The following MCPH1 variants were observed in gnomAD, a reference collection of about 807,000 sequenced individuals.
The protein encoded by MCPH1 is microcephalin.
A neutral mutation model predicts 84.5 loss-of-function variants in MCPH1; 104 were observed. The observed-to-expected ratio is 1.23, with a 90% CI of 1.05 to 1.45. MCPH1 has a LOEUF of 1.45. Ranked by LOEUF, MCPH1 falls within the 40% of genes most tolerant of loss-of-function variation. The probability of loss-of-function intolerance (pLI) is 0.00; values close to 1 mark genes in which losing one functional copy is unlikely to be tolerated. For missense variants in MCPH1, 1,498 were observed against 1,005.7 expected (o/e 1.49, Z -6.62); for synonymous variants, 514 against 366.8 (o/e 1.40, Z -4.58).
intron 12 of MCPH1, chr8:6,616,237 A>G (rs2454517): frequency 0.21 from 32,654 of 152,144 alleles, 4,152 homozygotes; most frequent in Non-Finnish European, 0.3. Flanking sequence ...TTAGCAGGCC[A>G]AGGAGCGACT....
intron 13 of MCPH1, 135 bp from the exon 14 acceptor site, chr8:6,642,859 G>C (rs41312806): frequency 6.5e-6 from 5 of 767,758 alleles, no homozygotes; most frequent in Admixed American, 4.0e-5. Flanking sequence ...CTCTATGGAC[G>C]TGGGGGGGCC....
At chr8:6,610,486 T>C (rs1015805944) in intron 12 of MCPH1, among the ~76,000 whole-genome samples, 2 of 152,250 alleles carry the variant, frequency 1.3e-5, no homozygotes, top group African/African-American at 4.8e-5. Context: ...TCAGCCTTTC[T>C]AGTTCGACTC....
intron 12 of MCPH1, among the ~76,000 whole-genome samples, chr8:6,503,905 G>A (rs895179711): frequency 7.2e-5 from 11 of 152,188 alleles, no homozygotes; most frequent in Non-Finnish European, 1.5e-4. Context: ...GGAGCATGCT[G>A]GGGTTTGTGA....
intron 12 of MCPH1, among the ~76,000 whole-genome samples, chr8:6,581,827 A>C (rs917814373): frequency 5.3e-5 from 8 of 152,144 alleles, no homozygotes; most frequent in African/African-American, 1.4e-4. Context: ...GGCAGATTCC[A>C]TGTCTGGTGA....
intron 9 of MCPH1, among the ~76,000 whole-genome samples, chr8:6,469,347 A>G (rs2440398): frequency 0.99 from 150,075 of 152,304 alleles, 73,970 homozygotes; most frequent in East Asian, 1. Context: ...AAGATCTGGG[A>G]TCTCTTGGGT....
In MCPH1 at chr8:6,499,559, A is replaced by G. The variant is rs184911152; in HGVS notation, c.2137-293A>G. 2.9e-3 allele frequency: 517 copies of G among 179,112 alleles called. No homozygotes were observed. The highest frequency in any genetic ancestry group is 0.011 in the African/African-American group (471 of 42,622). 11.1% of individuals were successfully genotyped at this position (179,112 alleles called of 1,614,324 possible). ...TAGAAACTTGGAATTAAAAATATAT[A>G]TATAAAATATTTCATATGTGTAAAA... On this transcript the variant is annotated intron_variant, in intron 11 of 13. Transcript: ENST00000344683.
At chr8:6,541,400 C>T (rs1004123915) in intron 12 of MCPH1, among the ~76,000 whole-genome samples, 4 of 152,048 alleles carry the variant, frequency 2.6e-5, no homozygotes, top group African/African-American at 4.8e-5. Context: ...CAGTCAGCAG[C>T]GCTGGAGAGG....
intron 12 of MCPH1, chr8:6,514,864 G>A (rs1815942146): frequency 8.6e-7 from 1 of 1,158,270 alleles, no homozygotes; most frequent in South Asian, 1.3e-5. Flanking sequence ...TAGACCCTGA[G>A]TGCAGGACTC....
At chr8:6,418,303 C>T (rs911854965) in intron 3 of MCPH1, among the ~76,000 whole-genome samples, 1 of 152,108 alleles carries the variant, frequency 6.6e-6, no homozygotes, top group Non-Finnish European at 1.5e-5. Context: ...AGTGGTGATG[C>T]CCAGATTCTT....
At chr8:6,562,570 T>G (rs973332069) in intron 12 of MCPH1, 4 of 400,274 alleles carry the variant, frequency 1.0e-5, no homozygotes, top group Non-Finnish European at 1.7e-5. Context: ...TTTTTTTTTT[T>G]TGGTTGTTAA....
In MCPH1 at chr8:6,480,721, A is replaced by T. The variant is rs1809108557; in HGVS notation, c.1981A>T (p.Asn661Tyr). 1.9e-6 allele frequency: 3 copies of T among 1,614,050 alleles called. No individual in the cohort carries two copies. Among genetic ancestry groups the T allele is most frequent in the Non-Finnish European group, 2.5e-6 (3 of 1,180,034 alleles). ...VMTSMPSEKQ[N>Y]VVIQVVDKLK... is the part of the protein sequence containing the mutation. ...TTTCCCCCGATTTGACAGAAAGCAG[A>T]ATGTCGTCATCCAGGTTGTGGATAA... Residue 661 changes from asparagine to tyrosine, a missense_variant, in exon 11 of 14, where the codon AAT becomes TAT. Physicochemically the swap from Asn to Tyr is moderately radical, Grantham distance 143. Transcript: ENST00000344683.
intron 12 of MCPH1, among the ~76,000 whole-genome samples, chr8:6,589,604 C>T (rs771869805): frequency 4.6e-5 from 7 of 152,198 alleles, no homozygotes; most frequent in African/African-American, 7.2e-5. Flanking sequence ...TGACTGCCTA[C>T]TGTGTGCCAG....
At chr8:6,604,768 G>T (rs1022244403) in intron 12 of MCPH1, among the ~76,000 whole-genome samples, 2 of 152,234 alleles carry the variant, frequency 1.3e-5, no homozygotes, top group African/African-American at 2.4e-5. Flanking sequence ...GCCTCCCAAA[G>T]TGCTGGGATT....
chr8:6,449,135 A>C (rs1804766903), intron 8 of MCPH1, among the ~76,000 whole-genome samples: 1 of 152,230 alleles, frequency 6.6e-6, no homozygotes, highest in African/African-American at 2.4e-5. Flanking sequence ...ATCTTTTCAC[A>C]CAGACAGATA....
intron 12 of MCPH1, among the ~76,000 whole-genome samples, chr8:6,539,950 C>T (rs536022942): frequency 3.2e-4 from 48 of 152,250 alleles, no homozygotes; most frequent in African/African-American, 1.1e-3. Context: ...TTCCTACTTT[C>T]GCTAGTATAA....
intron 9 of MCPH1, among the ~76,000 whole-genome samples, chr8:6,476,403 T>C (rs576574474): frequency 4.2e-4 from 57 of 135,798 alleles, no homozygotes; most frequent in African/African-American, 1.5e-3. Context: ...CACTCCAGTC[T>C]GGGCAACAAG....
intron 7 of MCPH1, 63 bp downstream of exon 7, chr8:6,442,219 T>C (rs1803622990): frequency 6.4e-6 from 7 of 1,090,122 alleles, no homozygotes; most frequent in Non-Finnish European, 9.8e-6. Flanking sequence ...GATTTTCTGA[T>C]TTAGAATTTC....
At chr8:6,568,761 C>A (rs919791340) in intron 12 of MCPH1, among the ~76,000 whole-genome samples, 1 of 152,214 alleles carries the variant, frequency 6.6e-6, no homozygotes, top group Non-Finnish European at 1.5e-5. Flanking sequence ...GACTGTCTCC[C>A]GCCTGCCGTC....
chr8:6,606,529 G>C (rs898808293), intron 12 of MCPH1, among the ~76,000 whole-genome samples: 6 of 152,200 alleles, frequency 3.9e-5, no homozygotes, highest in Admixed American at 2.0e-4. Context: ...GCATAAACCA[G>C]TGCCTGTCGA....
Sources: gnomAD v4.1 joint callset for allele counts (sites outside exome capture counted in the v4.1 genomes callset) on GRCh38, gnomAD v4.1.1 for gene constraint, MANE v1.5 for transcripts, NCBI Gene and HGNC (gene_info 2026-07-23, HGNC 2026-07-21) for gene names.